SFTPC: variants seen among roughly 807,000 people sequenced by gnomAD.
SFTPC encodes the protein surfactant protein C, also known as BRICHOS domain containing 6.
In SFTPC, 12 loss-of-function variants were observed where a neutral mutation model predicts 19.9. The ratio of observed to expected loss-of-function variants is 0.60; its 90% CI spans 0.39 to 0.98. SFTPC has a LOEUF of 0.98. Ranked by LOEUF, SFTPC falls within the 50% of genes least tolerant of loss-of-function variation. The pLI is 0.00. For missense variants in SFTPC, 219 were observed against 252.2 expected, an observed-to-expected ratio of 0.87 and a Z score of 0.89; for synonymous variants, 123 against 103.3, an observed-to-expected ratio of 1.19 and a Z score of -1.16.
At chr8:22,164,135 G>C in intron 5 of SFTPC, 76 bp downstream of exon 5, 1 of 1,583,590 alleles carries the variant, frequency 6.3e-7, no homozygotes, top group Non-Finnish European at 8.6e-7. Flanking sequence ...GAGCGCTCGC[G>C]CTGACCAGGC....
intron 1 of SFTPC, 98 bp from the exon 2 acceptor site, chr8:22,162,476 C>T: frequency 1.5e-6 from 2 of 1,372,666 alleles, no homozygotes; most frequent in African/African-American, 1.4e-5. Flanking sequence ...GGCTGTCCAG[C>T]CCTAGGCAGC....
At chr8:22,160,035 C>A (rs1827653053), upstream of SFTPC, among the ~76,000 whole-genome samples, 2 of 152,258 alleles carry the variant, frequency 1.3e-5, no homozygotes, top group African/African-American at 4.8e-5. Context: ...CACCCCTCCC[C>A]TCCTTTCACT....
At chr8:22,163,857 A>G in intron 4 of SFTPC, 44 bp from the exon 5 acceptor site, 1 of 1,548,426 alleles carries the variant, frequency 6.5e-7, no homozygotes, top group Non-Finnish European at 8.9e-7. Flanking sequence ...TGCACATGGG[A>G]TAGAAACTCA....
chr8:22,161,037 G>A (rs773339718), upstream of SFTPC, among the ~76,000 whole-genome samples: 11 of 152,130 alleles, frequency 7.2e-5, no homozygotes, highest in East Asian at 1.9e-4. Flanking sequence ...AGGGCTGTCC[G>A]GGCAGAAGAA....
chr8:22,161,694 G>A (rs1827725466), upstream of SFTPC: 1 of 1,607,398 alleles, frequency 6.2e-7, no homozygotes, highest in Non-Finnish European at 8.5e-7. Flanking sequence ...GGAACAAACA[G>A]GCTTCAAAGC....
chr8:22,163,468 C>G lies in SFTPC; in HGVS notation c.357C>G (p.Thr119=). 6.2e-7 allele frequency: 1 copy of G among 1,614,124 alleles called. No individual in the cohort carries two copies. The change falls in exon 4 of 6, where the codon ACC becomes ACG. Residue 119 remains threonine (T), a synonymous_variant. Transcript: ENST00000679463. ...LLIAYKPAPG[T]CCYIMKIAPE... ...TCGCCTACAAGCCAGCCCCTGGCAC[C>G]TGCTGCTACATCATGAAGATAGCTC... is the stretch of plus-strand genomic sequence containing the variant.
upstream of SFTPC, chr8:22,158,531 G>C (rs1325245471): frequency 6.6e-6 from 1 of 152,240 alleles, no homozygotes; most frequent in Non-Finnish European, 1.5e-5. Flanking sequence ...GCTCTCAGAG[G>C]GAGTCAACCC....
At chr8:22,159,320 C>T (rs997148367), upstream of SFTPC, among the ~76,000 whole-genome samples, 1 of 151,952 alleles carries the variant, frequency 6.6e-6, no homozygotes, top group Non-Finnish European at 1.5e-5. Context: ...AAAATAAAAC[C>T]GGAGAAGTGG....
chr8:22,162,541 A>C (rs1400060720), intron 1 of SFTPC, 33 bp from the exon 2 acceptor site: 1 of 1,611,854 alleles, frequency 6.2e-7, no homozygotes, highest in East Asian at 2.2e-5. Flanking sequence ...TCATGACCTC[A>C]TGCCTGTCTC....
chr8:22,162,405 C>T (rs1236251474), intron 1 of SFTPC, among the ~76,000 whole-genome samples, 169 bp from the exon 2 acceptor site: 2 of 152,168 alleles, frequency 1.3e-5, no homozygotes, highest in Non-Finnish European at 2.9e-5. Flanking sequence ...AGAATCCAGG[C>T]CACCTCCTCC....
chr8:22,159,695 G>C, upstream of SFTPC: 1 of 954,084 alleles, frequency 1.0e-6, no homozygotes, highest in Admixed American at 2.3e-5. Context: ...CCCTCTCCCA[G>C]CACCCAGCGA....
rs1178779227 is a variant in SFTPC at position 22,163,064 on chromosome 8, C to G, written c.202-16C>G. 3 of 1,613,784 alleles carry G rather than the reference C, an allele frequency of 1.9e-6. No individual in the cohort carries two copies. The highest frequency in any genetic ancestry group is 2.5e-6 in the Non-Finnish European group (3 of 1,179,926). On this transcript the variant is annotated splice_polypyrimidine_tract_variant and intron_variant, in intron 2 of 5. Transcript: ENST00000679463. ...AGGAAAGGGGAAGACCAGGTGGCTCCATGCCCTTTCCCCAGGTTCTGGAGA... is the reference window on the plus strand; with the variant it reads ...AGGAAAGGGGAAGACCAGGTGGCTCGATGCCCTTTCCCCAGGTTCTGGAGA...
upstream of SFTPC, among the ~76,000 whole-genome samples, chr8:22,161,422 A>G (rs1827713367): frequency 6.6e-6 from 1 of 152,142 alleles, no homozygotes; most frequent in African/African-American, 2.4e-5. Context: ...GGGAAATATG[A>G]TGGTCAGACC....
At chr8:22,163,290 T>C in intron 3 of SFTPC, 88 bp downstream of exon 3, 1 of 1,582,170 alleles carries the variant, frequency 6.3e-7, no homozygotes, top group South Asian at 1.1e-5. Flanking sequence ...CACATCCATC[T>C]CTCCCTCTCC....
chr8:22,163,004 G>A, intron 2 of SFTPC, 76 bp from the exon 3 acceptor site: 1 of 1,595,280 alleles, frequency 6.3e-7, no homozygotes, highest in Non-Finnish European at 8.6e-7. Context: ...TGAGTACAGA[G>A]GCCTGAGTAT....
intron 3 of SFTPC, 87 bp from the exon 4 acceptor site, chr8:22,163,349 C>T (rs1360181854): frequency 4.0e-6 from 6 of 1,501,856 alleles, no homozygotes; most frequent in Non-Finnish European, 5.5e-6. Context: ...ACTCCCGTGC[C>T]CAACCTAGAG....
upstream of SFTPC, chr8:22,161,600 G>A: frequency 7.2e-7 from 1 of 1,388,498 alleles, no homozygotes. Flanking sequence ...CTCTTGCTGG[G>A]GCCAAGAGGA....
upstream of SFTPC, among the ~76,000 whole-genome samples, chr8:22,160,860 C>T (rs1283255198): frequency 2.0e-5 from 3 of 152,180 alleles, no homozygotes; most frequent in Non-Finnish European, 4.4e-5. Context: ...AGGAGACAGT[C>T]CTCAAAGCTG....
At position 22,164,418 on chromosome 8, in the gene SFTPC, G is replaced by A. The variant is rs1352249630; in HGVS notation, c.*171G>A. On this transcript the variant is annotated 3_prime_UTR_variant, in exon 6 of 6. Coordinates refer to ENST00000679463, the MANE Select transcript of SFTPC (RefSeq NM_001317778.2). ...GGAGAGGATGGGAGTGGGCAGAGGT[G>A]GCGCCCAGGGGCCCGGGAACTCCTG... The A allele has an allele frequency of 1.2e-5, 18 of 1,503,420 alleles. No individual in the cohort carries two copies. Among genetic ancestry groups the A allele is most frequent in the Admixed American group, 1.1e-4 (5 of 43,656 alleles). The allele number at this position is 1,503,420 out of a possible 1,614,324, so 93.1% of individuals were successfully genotyped here. A position where few individuals can be genotyped will look rare whatever the true frequency, so the allele number is the denominator to read the frequency against.
Sources: gnomAD v4.1 joint callset for allele counts (sites outside exome capture counted in the v4.1 genomes callset) on GRCh38, gnomAD v4.1.1 for gene constraint, MANE v1.5 for transcripts, NCBI Gene and HGNC (gene_info 2026-07-23, HGNC 2026-07-21) for gene names.